The following DUS1L variants were observed in gnomAD, a reference collection of about 807,000 sequenced individuals.
DUS1L encodes dihydrouridine synthase 1 like.
A neutral mutation model predicts 61.2 loss-of-function variants in DUS1L; 56 were observed. That is an observed-to-expected ratio of 0.92 (90% CI 0.74 to 1.14). DUS1L has a LOEUF of 1.14. Ranked by LOEUF, DUS1L falls within the 50% of genes most tolerant of loss-of-function variation. The probability of loss-of-function intolerance (pLI) is 0.00; values close to 1 mark genes in which losing one functional copy is unlikely to be tolerated. For synonymous variants in DUS1L, 278 were observed against 259.5 expected, an observed-to-expected ratio of 1.07 and a Z score of -0.69; for missense variants, 630 against 632.4, an observed-to-expected ratio of 1.00 and a Z score of 0.04.
At chr17:82,061,138 C>T in intron 8 of DUS1L, 71 bp downstream of exon 8, 3 of 1,557,304 alleles carry the variant, frequency 1.9e-6, no homozygotes, top group Non-Finnish European at 2.6e-6. Context: ...TGCAAAATGC[C>T]CCAGGTGGGG....
In DUS1L at chr17:82,058,160, TC is replaced by T. The variant is rs778266434; in HGVS notation, c.1376del (p.Gly459GlufsTer89). The T allele has an allele frequency of 9.4e-6, 15 of 1,597,876 alleles. No homozygotes were observed. The highest frequency in any genetic ancestry group is 1.3e-5 in the Non-Finnish European group (15 of 1,168,792). On this transcript the variant is annotated frameshift_variant, in exon 14 of 14. Transcript: ENST00000306796. LOFTEE classifies it high-confidence loss of function. ...ELQEPQPAAP[G>X]TPGGFSEVMG... ...TGACTTCGGAGAAGCCACCTGGTGT[TC>T]CAGGTGCTGCTGGCTGAGGCTCCTG... is the stretch of plus-strand genomic sequence containing the variant.
chr17:82,063,422 CTT>C, intron 4 of DUS1L, 44 bp downstream of exon 4: 1 of 1,613,278 alleles, frequency 6.2e-7, no homozygotes, highest in South Asian at 1.1e-5. Context: ...ATGTGTCCCT[CTT>C]GAGGGTCTCT....
In DUS1L at chr17:82,060,521, C is replaced by G. The variant is rs535477739; in HGVS notation, c.1022+180G>C. 1.1e-5 allele frequency: 8 copies of G among 737,750 alleles called. No individual in the cohort carries two copies. In the East Asian group the frequency reaches 2.2e-4, roughly 20 times the overall value. 45.7% of individuals were successfully genotyped at this position (737,750 alleles called of 1,614,324 possible). A position where few individuals can be genotyped will look rare whatever the true frequency, so the allele number is the denominator to read the frequency against. On this transcript the variant is annotated intron_variant, in intron 10 of 13. Transcript: ENST00000306796. ...CCACCAGCATCCTCCACCAAGGACA[C>G]CGAGGGGCACGTGGAAGGTGTGTGC...
In DUS1L at chr17:82,061,851, C is replaced by T. The variant is rs1333778992; in HGVS notation, c.593+50G>A. The T allele has an allele frequency of 3.2e-6, 5 of 1,585,728 alleles. No individual in the cohort carries two copies. The South Asian group carries it at 3.4e-5, about 11-fold the overall frequency. On this transcript the variant is annotated intron_variant, in intron 6 of 13. Transcript: ENST00000306796. ...GCACCCTGAGGTGTGGAGCTGGGAC[C>T]CCCAGCAAAGCCCCAAGGACTGAGG...
At position 82,061,306 on chromosome 17, in the gene DUS1L, C is replaced by A. The variant is rs369359990; in HGVS notation, c.745G>T (p.Val249Leu). Residue 249 changes from valine to leucine, a missense_variant, in exon 8 of 14, where the codon GTG (valine) becomes TTG (leucine). By Grantham distance (32) the Val-to-Leu change is conservative. Transcript: ENST00000306796. ...AGATACTCCTCGGCCAGCTCCCACACGGCAGGGCTCCGGCCCTCGAACAGG... is the reference window on the plus strand; with the variant it reads ...AGATACTCCTCGGCCAGCTCCCACAAGGCAGGGCTCCGGCCCTCGAACAGG... ...PALFEGRSPA[V>L]WELAEEYLDI... The A allele has an allele frequency of 1.9e-6, 3 of 1,610,270 alleles. No homozygotes were observed. Among genetic ancestry groups the A allele is most frequent in the Middle Eastern group, 1.6e-4 (1 of 6,074 alleles).
Position 82,065,752 on chromosome 17 carries a change from G to A in DUS1L, c.-150C>T, listed in dbSNP as rs925248410. On this transcript the variant is annotated 5_prime_UTR_variant, in exon 1 of 14. Coordinates refer to ENST00000306796, the MANE Select transcript of DUS1L (RefSeq NM_022156.5). ...CCGGGGCGCCGCGAACGCCCGCACC[G>A]CGCCGGGGCCGCCGCCGGGCCGCAG... 6.1e-5 allele frequency: 9 copies of A among 147,190 alleles called. No homozygotes were observed. Among genetic ancestry groups the A allele is most frequent in the African/African-American group, 2.2e-4 (9 of 40,848 alleles). 9.1% of individuals were successfully genotyped at this position (147,190 alleles called of 1,614,324 possible).
chr17:82,059,485 G>C, intron 11 of DUS1L: 1 of 169,638 alleles, frequency 5.9e-6, no homozygotes, highest in East Asian at 1.6e-4. Flanking sequence ...GGGTCTCAGG[G>C]GAGACAGCAC....
Position 82,063,061 on chromosome 17 carries a change from G to A in DUS1L, c.398-88C>T, listed in dbSNP as rs1227699494. ...CAGAGCCCAGGGCCCTGCAGACAGC[G>A]GAGCCCAGGCAGCTTTGCCGGGAGG... is the stretch of plus-strand genomic sequence containing the variant. On this transcript the variant is annotated intron_variant, in intron 4 of 13. Transcript: ENST00000306796. The A allele has an allele frequency of 1.1e-5, 13 of 1,189,690 alleles. No individual in the cohort carries two copies. The Middle Eastern group carries it at 5.7e-4, about 53-fold the overall frequency. The allele number at this position is 1,189,690 out of a possible 1,614,324, so 73.7% of individuals were successfully genotyped here. A position where few individuals can be genotyped will look rare whatever the true frequency, so the allele number is the denominator to read the frequency against.
intron 10 of DUS1L, 143 bp from the exon 11 acceptor site, chr17:82,060,236 G>A (rs764272580): frequency 6.9e-6 from 8 of 1,153,646 alleles, no homozygotes; most frequent in Non-Finnish European, 9.5e-6. Context: ...TTTCCCTCGG[G>A]CAGCCCATTC....
At chr17:82,064,352 G>A (rs1387050330) in intron 2 of DUS1L, 118 bp from the exon 3 acceptor site, 2 of 831,836 alleles carry the variant, frequency 2.4e-6, no homozygotes, top group East Asian at 5.3e-5. Flanking sequence ...CACTGCAGGA[G>A]GGTGCTCTGT....
rs1046293860 is a variant in DUS1L at position 82,061,794 on chromosome 17, C to T, written c.594-73G>A. 71 of 1,595,692 alleles carry T rather than the reference C, an allele frequency of 4.4e-5. No homozygotes were observed. In the Admixed American group the frequency reaches 1.2e-3, roughly 26 times the overall value. ...GGTGATGCTGCCCCCAGCCACGGCC[C>T]CCTGGGTGGTCACGGGCGTCAGGCG... is the stretch of plus-strand genomic sequence containing the variant. On this transcript the variant is annotated intron_variant, in intron 6 of 13. Coordinates refer to ENST00000306796, the MANE Select transcript of DUS1L (RefSeq NM_022156.5).
At position 82,057,692 on chromosome 17, in the gene DUS1L, C is replaced by T; in HGVS notation, c.*423G>A. 9.5e-6 allele frequency: 2 copies of T among 211,252 alleles called. No homozygotes were observed. The highest frequency in any genetic ancestry group is 1.4e-4 in the South Asian group (2 of 14,762). The allele number at this position is 211,252 out of a possible 1,614,324, so 13.1% of individuals were successfully genotyped here. A position where few individuals can be genotyped will look rare whatever the true frequency, so the allele number is the denominator to read the frequency against. On this transcript the variant is annotated 3_prime_UTR_variant, in exon 14 of 14. Coordinates refer to ENST00000306796, the MANE Select transcript of DUS1L (RefSeq NM_022156.5). ...TCACGAAGCTCCCGGAGGCTTTGGC[C>T]ACTTGCCTATGGAGGCGCCTAGGGG...
intron 1 of DUS1L, 72 bp downstream of exon 1, chr17:82,065,541 C>T (rs1353973582): frequency 6.5e-6 from 1 of 154,596 alleles, no homozygotes; most frequent in Non-Finnish European, 1.4e-5. Context: ...TCGCGAGACT[C>T]CTCCGGAGCC....
In DUS1L at chr17:82,064,709, G is replaced by A. The variant is rs1005016957; in HGVS notation, c.237+114C>T. The A allele has an allele frequency of 2.0e-5, 21 of 1,072,676 alleles. No homozygotes were observed. The Admixed American group carries it at 4.7e-4, about 24-fold the overall frequency. 66.4% of individuals were successfully genotyped at this position (1,072,676 alleles called of 1,614,324 possible). Reference sequence around the variant, plus strand: ...CTTCTCCCTCTCCTCCTGGAATTGAGCTGTCTCTGGAAAGGCTGAAAGTGA... The same window carrying A: ...CTTCTCCCTCTCCTCCTGGAATTGAACTGTCTCTGGAAAGGCTGAAAGTGA... On this transcript the variant is annotated intron_variant, in intron 2 of 13. Coordinates refer to ENST00000306796, the MANE Select transcript of DUS1L (RefSeq NM_022156.5).
At position 82,057,891 on chromosome 17, in the gene DUS1L, T is replaced by G; in HGVS notation, c.*224A>C. On this transcript the variant is annotated 3_prime_UTR_variant, in exon 14 of 14. Transcript: ENST00000306796. Reference sequence around the variant, plus strand: ...GCTGTGGGCTCTCGCATCTTTGAAATGATTTATTGTTCACTTTTGCACACG... The same window carrying G: ...GCTGTGGGCTCTCGCATCTTTGAAAGGATTTATTGTTCACTTTTGCACACG... 2.4e-6 allele frequency: 1 copy of G among 422,358 alleles called. No homozygotes were observed. Among genetic ancestry groups the G allele is most frequent in the Non-Finnish European group, 4.1e-6 (1 of 243,634 alleles). The allele number at this position is 422,358 out of a possible 1,614,324, so 26.2% of individuals were successfully genotyped here.
Position 82,064,833 on chromosome 17 carries a change from A to T in DUS1L, c.227T>A (p.Leu76His). Reference sequence around the variant, plus strand: ...GCCCCTCCTGCGCACCTGCACGATGAGGGGCCGGTCCTCGGGGCACACCTC... The same window carrying T: ...GCCCCTCCTGCGCACCTGCACGATGTGGGGCCGGTCCTCGGGGCACACCTC... ...YCEVCPEDRP[L>H]IVQFCANDPE... The change falls in exon 2 of 14, where the codon CTC becomes CAC. Residue 76 changes from leucine (L) to histidine (H), a missense_variant. Physicochemically the swap from Leu to His is moderately conservative, Grantham distance 99. Coordinates refer to ENST00000306796, the MANE Select transcript of DUS1L (RefSeq NM_022156.5). 1 of 1,609,534 alleles carries T rather than the reference A, an allele frequency of 6.2e-7. No individual in the cohort carries two copies. Among genetic ancestry groups the T allele is most frequent in the Non-Finnish European group, 8.5e-7 (1 of 1,178,416 alleles).
Position 82,061,903 on chromosome 17 carries a change from C to T in DUS1L, c.591G>A (p.Val197=), listed in dbSNP as rs868676914. 1 of 1,608,374 alleles carries T rather than the reference C, an allele frequency of 6.2e-7. No individual in the cohort carries two copies. Among genetic ancestry groups the T allele is most frequent in the Non-Finnish European group, 8.5e-7 (1 of 1,177,208 alleles). ...GAASWEHIKA[V]RKAVAIPVFA... ...CTGTGTCACCCACACCCACTCACCGCACAGCCTTGATATGCTCCCAGGACG... is the reference window on the plus strand; with the variant it reads ...CTGTGTCACCCACACCCACTCACCGTACAGCCTTGATATGCTCCCAGGACG... Residue 197 remains valine (V), a splice_region_variant and synonymous_variant, in exon 6 of 14, where the codon GTG becomes GTA. Transcript: ENST00000306796.
At position 82,064,860 on chromosome 17, in the gene DUS1L, C is replaced by A; in HGVS notation, c.200G>T (p.Cys67Phe). The part of the protein sequence containing the change: ...DANYRKENLY[C>F]EVCPEDRPLI... Reference sequence around the variant, plus strand: ...GGGCCGGTCCTCGGGGCACACCTCGCAGTACAGGTTCTCCTTCCGGTAGTT... The same window carrying A: ...GGGCCGGTCCTCGGGGCACACCTCGAAGTACAGGTTCTCCTTCCGGTAGTT... The change falls in exon 2 of 14, where the codon TGC becomes TTC. Residue 67 changes from cysteine to phenylalanine, a missense_variant. By Grantham distance (205) the Cys-to-Phe change is radical. Transcript: ENST00000306796. The A allele has an allele frequency of 1.9e-6, 3 of 1,612,316 alleles. No individual in the cohort carries two copies. The highest frequency in any genetic ancestry group is 2.5e-6 in the Non-Finnish European group (3 of 1,179,782).
Position 82,063,225 on chromosome 17 carries a change from G to C in DUS1L, c.397+243C>G, listed in dbSNP as rs1037690699. The C allele has an allele frequency of 1.6e-5, 10 of 637,516 alleles. No individual in the cohort carries two copies. The Admixed American group carries it at 2.6e-4, about 16-fold the overall frequency. 39.5% of individuals were successfully genotyped at this position (637,516 alleles called of 1,614,324 possible). On this transcript the variant is annotated intron_variant, in intron 4 of 13. Coordinates refer to ENST00000306796, the MANE Select transcript of DUS1L (RefSeq NM_022156.5). The stretch of plus-strand genomic sequence containing the variant: ...TGTCTCCCAGGACATCTGGGGCTGG[G>C]CCCGAGCAAGGACTCTGCCCTGGCA...
Sources: allele counts gnomAD v4.1 joint callset, GRCh38; gene constraint gnomAD v4.1.1; transcripts MANE v1.5; gene names NCBI Gene and HGNC (gene_info 2026-07-23, HGNC 2026-07-21).